TMED7: variants seen among roughly 807,000 people sequenced by gnomAD.
TMED7 encodes transmembrane p24 trafficking protein 7.
TMED7 carries 8 observed loss-of-function variants against 23.4 expected under a neutral mutation model. The ratio of observed to expected loss-of-function variants is 0.34; its 90% CI spans 0.20 to 0.62. The LOEUF is 0.62. Ranked by LOEUF, TMED7 falls within the 20% of genes least tolerant of loss-of-function variation. The probability of loss-of-function intolerance (pLI) is 0.77; values close to 1 mark genes in which losing one functional copy is unlikely to be tolerated. For synonymous variants in TMED7, 121 were observed against 108.5 expected (o/e 1.12, Z -0.72); for missense variants, 232 against 279.1 (o/e 0.83, Z 1.20).
In TMED7 at chr5:115,625,823, C is replaced by T; in HGVS notation, c.-31G>A. On this transcript the variant is annotated 5_prime_UTR_variant, in exon 1 of 3. Transcript: ENST00000456936. Reference sequence around the variant, plus strand: ...GAAGGCGGCGGCGGCCTCAACCGAGCTGCGAGACGCAGGGTCAGGTCTGCG... The same window carrying T: ...GAAGGCGGCGGCGGCCTCAACCGAGTTGCGAGACGCAGGGTCAGGTCTGCG... 7.2e-7 allele frequency: 1 copy of T among 1,386,064 alleles called. No individual in the cohort carries two copies. The allele number at this position is 1,386,064 out of a possible 1,614,324, so 85.9% of individuals were successfully genotyped here. A position where few individuals can be genotyped will look rare whatever the true frequency, so the allele number is the denominator to read the frequency against.
chr5:115,625,838 T>C lies in TMED7; in HGVS notation c.-46A>G. On this transcript the variant is annotated 5_prime_UTR_variant, in exon 1 of 3. Coordinates refer to ENST00000456936, the MANE Select transcript of TMED7 (RefSeq NM_181836.6). ...CTCAACCGAGCTGCGAGACGCAGGG[T>C]CAGGTCTGCGCGGACTCACCGCGCG... 7.3e-7 allele frequency: 1 copy of C among 1,374,392 alleles called. No homozygotes were observed. Among genetic ancestry groups the C allele is most frequent in the Non-Finnish European group, 9.3e-7 (1 of 1,072,116 alleles). The allele number at this position is 1,374,392 out of a possible 1,614,324, so 85.1% of individuals were successfully genotyped here.
chr5:115,625,782 G>A lies in TMED7; in HGVS notation c.11C>T (p.Pro4Leu), dbSNP rs754424015. 4 of 1,440,694 alleles carry A rather than the reference G, an allele frequency of 2.8e-6. No individual in the cohort carries two copies. In the South Asian group the frequency reaches 4.4e-5, roughly 16 times the overall value. The allele number at this position is 1,440,694 out of a possible 1,614,324, so 89.2% of individuals were successfully genotyped here. The change falls in exon 1 of 3, where the codon CCG (proline) becomes CTG (leucine). Residue 4 changes from proline (P) to leucine (L), a missense_variant. Pro to Leu is a moderately conservative substitution (Grantham distance 98, BLOSUM62 -3). Coordinates refer to ENST00000456936, the MANE Select transcript of TMED7 (RefSeq NM_181836.6). Reference protein sequence around the residue: MPRPGSAQRWAAVA... With the variant: MPRLGSAQRWAAVA... The stretch of plus-strand genomic sequence containing the variant: ...GGCCGCCCAGCGCTGCGCGGACCCC[G>A]GCCGCGGCATCCCGAGAAGGCGGCG...
Position 115,613,910 on chromosome 5 carries a change from C to A in TMED7, c.*2299G>T, listed in dbSNP as rs1756574828. 6.6e-6 allele frequency: 1 copy of A among 152,490 alleles called. No individual in the cohort carries two copies. The highest frequency in any genetic ancestry group is 2.4e-5 in the African/African-American group (1 of 41,418). 9.4% of individuals were successfully genotyped at this position (152,490 alleles called of 1,614,324 possible). A position where few individuals can be genotyped will look rare whatever the true frequency, so the allele number is the denominator to read the frequency against. ...GAAATTTTAGTATAAACTTGTATATCAAGTTGCTTTCCATTATTTATTCTA... is the reference window on the plus strand; with the variant it reads ...GAAATTTTAGTATAAACTTGTATATAAAGTTGCTTTCCATTATTTATTCTA... On this transcript the variant is annotated 3_prime_UTR_variant, in exon 3 of 3. Transcript: ENST00000456936.
intron 1 of TMED7, among the ~76,000 whole-genome samples, chr5:115,623,128 A>C (rs916921965): frequency 1.6e-4 from 25 of 152,214 alleles, no homozygotes; most frequent in African/African-American, 5.8e-4. Context: ...AGAATATAAA[A>C]CATTACAGCC....
rs1165698490 is a variant in TMED7, at chr5:115,614,200, A to C, written c.*2009T>G. On this transcript the variant is annotated 3_prime_UTR_variant, in exon 3 of 3. Coordinates refer to ENST00000456936, the MANE Select transcript of TMED7 (RefSeq NM_181836.6). ...ATGTAACCAGTTACACAGAGACTAGACTAAGCCAACACTATTTTCTATAAC... is the reference window on the plus strand; with the variant it reads ...ATGTAACCAGTTACACAGAGACTAGCCTAAGCCAACACTATTTTCTATAAC... 7 of 152,106 alleles carry C rather than the reference A, an allele frequency of 4.6e-5. No individual in the cohort carries two copies. Among genetic ancestry groups the C allele is most frequent in the Non-Finnish European group, 1.0e-4 (7 of 67,954 alleles). 9.4% of individuals were successfully genotyped at this position (152,106 alleles called of 1,614,324 possible).
intron 1 of TMED7, among the ~76,000 whole-genome samples, chr5:115,621,575 C>T (rs914187476): frequency 1.3e-5 from 2 of 152,258 alleles, no homozygotes; most frequent in South Asian, 2.1e-4. Context: ...GAACTACTTT[C>T]CACGGCTTAT....
At position 115,613,835 on chromosome 5, in the gene TMED7, T is replaced by A. The variant is rs1319399217; in HGVS notation, c.*2374A>T. 1 of 152,606 alleles carries A rather than the reference T, an allele frequency of 6.6e-6. No homozygotes were observed. The highest frequency in any genetic ancestry group is 1.5e-5 in the Non-Finnish European group (1 of 67,982). 9.5% of individuals were successfully genotyped at this position (152,606 alleles called of 1,614,324 possible). ...TTTGTTTATTTAATAGAAAAAAGAATGTGTAGATTATTAGCAAAGTAATGC... is the reference window on the plus strand; with the variant it reads ...TTTGTTTATTTAATAGAAAAAAGAAAGTGTAGATTATTAGCAAAGTAATGC... On this transcript the variant is annotated 3_prime_UTR_variant, in exon 3 of 3. Transcript: ENST00000456936.
chr5:115,614,221 A>G lies in TMED7; in HGVS notation c.*1988T>C, dbSNP rs1756596044. On this transcript the variant is annotated 3_prime_UTR_variant, in exon 3 of 3. Coordinates refer to ENST00000456936, the MANE Select transcript of TMED7 (RefSeq NM_181836.6). ...CTAGACTAAGCCAACACTATTTTCT[A>G]TAACAGGTAACAGTAGTGATTTCAA... 1 of 152,140 alleles carries G rather than the reference A, an allele frequency of 6.6e-6. No homozygotes were observed. The highest frequency in any genetic ancestry group is 1.5e-5 in the Non-Finnish European group (1 of 67,976). 9.4% of individuals were successfully genotyped at this position (152,140 alleles called of 1,614,324 possible).
intron 1 of TMED7, among the ~76,000 whole-genome samples, chr5:115,623,915 C>T (rs534403858): frequency 6.6e-6 from 1 of 152,310 alleles, no homozygotes; most frequent in South Asian, 2.1e-4. Context: ...AAGAATTTAA[C>T]TTGGGACTGC....
intron 2 of TMED7, 135 bp downstream of exon 2, chr5:115,620,300 A>G: frequency 8.3e-7 from 1 of 1,198,574 alleles, no homozygotes; most frequent in Non-Finnish European, 1.1e-6. Context: ...AAATGCCTAC[A>G]TGTAAGAATT....
chr5:115,623,835 G>A (rs1161817072), intron 1 of TMED7, among the ~76,000 whole-genome samples: 1 of 152,104 alleles, frequency 6.6e-6, no homozygotes, highest in Non-Finnish European at 1.5e-5. Context: ...AACATTTTAT[G>A]ACTATATATG....
chr5:115,625,558 G>A (rs1181550246), intron 1 of TMED7, 43 bp downstream of exon 1: 1 of 1,484,412 alleles, frequency 6.7e-7, no homozygotes, highest in Admixed American at 2.3e-5. Context: ...CCCCAATCCT[G>A]GAGCCGCGAG....
At chr5:115,624,555 C>T (rs1231875687) in intron 1 of TMED7, among the ~76,000 whole-genome samples, 2 of 152,136 alleles carry the variant, frequency 1.3e-5, no homozygotes, top group African/African-American at 4.8e-5. Flanking sequence ...TGCTTATAAC[C>T]CTCTGATGGC....
chr5:115,616,871 C>G (rs1329767912), intron 2 of TMED7, among the ~76,000 whole-genome samples: 2 of 152,070 alleles, frequency 1.3e-5, no homozygotes, highest in African/African-American at 4.8e-5. Context: ...TAAAAATAAA[C>G]AAAGCACAGT....
Position 115,625,830 on chromosome 5 carries a change from A to G in TMED7, c.-38T>C. 7.2e-7 allele frequency: 1 copy of G among 1,382,584 alleles called. No homozygotes were observed. The highest frequency in any genetic ancestry group is 1.7e-5 in the South Asian group (1 of 57,266). The allele number at this position is 1,382,584 out of a possible 1,614,324, so 85.6% of individuals were successfully genotyped here. A position where few individuals can be genotyped will look rare whatever the true frequency, so the allele number is the denominator to read the frequency against. On this transcript the variant is annotated 5_prime_UTR_variant, in exon 1 of 3. Transcript: ENST00000456936. Reference sequence around the variant, plus strand: ...GCGGCGGCCTCAACCGAGCTGCGAGACGCAGGGTCAGGTCTGCGCGGACTC... The same window carrying G: ...GCGGCGGCCTCAACCGAGCTGCGAGGCGCAGGGTCAGGTCTGCGCGGACTC...
intron 2 of TMED7, 177 bp downstream of exon 2, chr5:115,620,258 T>G (rs1454962150): frequency 1.2e-6 from 1 of 859,826 alleles, no homozygotes; most frequent in East Asian, 3.4e-5. Flanking sequence ...TTCAACATTA[T>G]TTTTCACTAC....
intron 1 of TMED7, among the ~76,000 whole-genome samples, chr5:115,622,058 T>C (rs1757048267): frequency 6.6e-6 from 1 of 152,222 alleles, no homozygotes. Context: ...AAGTGTCTTA[T>C]CAATTGGGGA....
chr5:115,622,267 A>T (rs1280304457), intron 1 of TMED7, among the ~76,000 whole-genome samples: 2 of 152,198 alleles, frequency 1.3e-5, no homozygotes, highest in Admixed American at 6.5e-5. Flanking sequence ...ATCTCACTTA[A>T]CAGTATCCCT....
chr5:115,625,465 G>T, intron 1 of TMED7, 136 bp downstream of exon 1: 1 of 1,012,616 alleles, frequency 9.9e-7, no homozygotes, highest in Non-Finnish European at 1.3e-6. Flanking sequence ...CAAATGCTGG[G>T]CATCAGCTAC....
Sources: allele counts gnomAD v4.1 joint callset (sites outside exome capture counted in the v4.1 genomes callset), GRCh38; gene constraint gnomAD v4.1.1; transcripts MANE v1.5; gene names NCBI Gene and HGNC (gene_info 2026-07-23, HGNC 2026-07-21).